The following MACROD2 variants were observed in gnomAD, a reference collection of about 807,000 sequenced individuals.
The protein encoded by MACROD2 is mono-ADP ribosylhydrolase 2.
In MACROD2, 36 loss-of-function variants were observed where a neutral mutation model predicts 70.4. The ratio of observed to expected loss-of-function variants is 0.51; its 90% CI spans 0.39 to 0.68. The LOEUF (loss-of-function observed/expected upper bound fraction) is 0.68. MACROD2 is among the 30% of genes least tolerant of loss of function. The pLI, the probability that MACROD2 is intolerant of heterozygous loss-of-function variation, is 0.00. For synonymous variants in MACROD2, 172 were observed against 178.8 expected, an observed-to-expected ratio of 0.96 and a Z score of 0.30; for missense variants, 496 against 538.4, an observed-to-expected ratio of 0.92 and a Z score of 0.78.
At chr20:15,623,800 T>A (rs1274422940) in intron 8 of MACROD2, among the ~76,000 whole-genome samples, 1 of 152,118 alleles carries the variant, frequency 6.6e-6, no homozygotes, top group African/African-American at 2.4e-5. Context: ...CTACTGTCTA[T>A]CTCTAGATAA....
chr20:14,716,638 T>C (rs1043392219), intron 5 of MACROD2, among the ~76,000 whole-genome samples: 2 of 152,272 alleles, frequency 1.3e-5, no homozygotes, highest in African/African-American at 4.8e-5. Context: ...TTGCAGAGAA[T>C]CCATCTATGC....
At chr20:15,769,149 G>GT (rs1377929624) in intron 8 of MACROD2, among the ~76,000 whole-genome samples, 11 of 152,056 alleles carry the variant, frequency 7.2e-5, no homozygotes, top group African/African-American at 2.2e-4. Context: ...TTTGTTTTGT[G>GT]TTTTTTTGTT....
chr20:15,223,187 G>C (rs942670364), intron 5 of MACROD2, among the ~76,000 whole-genome samples: 3 of 152,210 alleles, frequency 2.0e-5, no homozygotes, highest in African/African-American at 7.2e-5. Flanking sequence ...AAGCACAAAA[G>C]GGCCTGCCAT....
chr20:15,381,570 G>T (rs1001129426), intron 6 of MACROD2, among the ~76,000 whole-genome samples: 2 of 152,132 alleles, frequency 1.3e-5, no homozygotes, highest in African/African-American at 4.8e-5. Flanking sequence ...GGAGGCTGAG[G>T]TGGGAGGATT....
At chr20:15,730,531 G>A (rs918687007) in intron 8 of MACROD2, among the ~76,000 whole-genome samples, 2 of 152,134 alleles carry the variant, frequency 1.3e-5, no homozygotes, top group Admixed American at 6.5e-5. Context: ...CTTCTGGCTT[G>A]TGGGGTTTCT....
intron 3 of MACROD2, among the ~76,000 whole-genome samples, chr20:14,402,046 G>T (rs1243830155): frequency 6.6e-6 from 1 of 152,024 alleles, no homozygotes; most frequent in Non-Finnish European, 1.5e-5. Context: ...ATATTTTCAT[G>T]GTACAGAGTA....
chr20:14,066,214 G>T (rs2053755234), intron 2 of MACROD2, among the ~76,000 whole-genome samples: 1 of 152,174 alleles, frequency 6.6e-6, no homozygotes, highest in Non-Finnish European at 1.5e-5. Flanking sequence ...CATTATTTGT[G>T]CTTTATTATG....
At chr20:15,271,337 A>G (rs1309561859) in intron 6 of MACROD2, among the ~76,000 whole-genome samples, 1 of 152,102 alleles carries the variant, frequency 6.6e-6, no homozygotes, top group East Asian at 1.9e-4. Flanking sequence ...TAGAGGCTCC[A>G]CTCTCATGAC....
intron 2 of MACROD2, among the ~76,000 whole-genome samples, chr20:14,034,833 G>T (rs945056765): frequency 6.6e-6 from 1 of 152,056 alleles, no homozygotes. Context: ...AGAGTTCATT[G>T]TACATTAAGA....
rs118125135 is a variant in MACROD2 at position 15,858,974 on chromosome 20, A to G, written c.646-3771A>G. 1.5e-4 allele frequency among the ~76,000 whole-genome samples: 23 copies of G among 152,344 alleles called. No individual in the cohort carries two copies. The East Asian group carries it at 3.1e-3, about 20-fold the overall frequency. ...ATGTATAACTTTTGACTCCCCAGGT[A>G]CTTAACTACTAATAGCCTACTATTG... On this transcript the variant is annotated intron_variant, in intron 8 of 17. Transcript: ENST00000684519.
At chr20:15,869,234 T>TAGAGAGAGAGAGAGAGAGAG (rs1198181652) in intron 9 of MACROD2, among the ~76,000 whole-genome samples, 11 of 31,690 alleles carry the variant, frequency 3.5e-4, no homozygotes, top group Non-Finnish European at 8.0e-4. Context: ...TATATATATA[T>TAGAGAGAGAGAGAGAGAGAG]ATATAGAGAG....
chr20:15,065,091 C>T (rs934516173), intron 5 of MACROD2, among the ~76,000 whole-genome samples: 2 of 152,138 alleles, frequency 1.3e-5, no homozygotes, highest in African/African-American at 4.8e-5. Flanking sequence ...TTGACAGTAT[C>T]TTGGAGGGTT....
chr20:15,554,439 C>A (rs1340640706), intron 8 of MACROD2, among the ~76,000 whole-genome samples: 1 of 151,424 alleles, frequency 6.6e-6, no homozygotes, highest in African/African-American at 2.4e-5. Flanking sequence ...CCTTGTAAAT[C>A]TGAATGGACT....
chr20:14,796,930 T>C (rs769270995), intron 5 of MACROD2, among the ~76,000 whole-genome samples: 17 of 152,184 alleles, frequency 1.1e-4, no homozygotes, highest in Middle Eastern at 3.4e-3. Flanking sequence ...CAACATTTTC[T>C]CTTAGATATC....
intron 15 of MACROD2, among the ~76,000 whole-genome samples, chr20:16,008,478 G>A (rs1200641886): frequency 2.6e-5 from 4 of 152,210 alleles, no homozygotes; most frequent in Non-Finnish European, 4.4e-5. Flanking sequence ...TGGGTGAGGT[G>A]AAGAAGTATC....
chr20:14,871,081 C>T (rs1158270121), intron 5 of MACROD2, among the ~76,000 whole-genome samples: 1 of 152,092 alleles, frequency 6.6e-6, no homozygotes, highest in Non-Finnish European at 1.5e-5. Flanking sequence ...ATGGAACCAA[C>T]TTGGAAAACA....
At chr20:15,974,464 A>C (rs2066276021) in intron 13 of MACROD2, among the ~76,000 whole-genome samples, 1 of 152,172 alleles carries the variant, frequency 6.6e-6, no homozygotes, top group African/African-American at 2.4e-5. Flanking sequence ...ACATTCTGGA[A>C]AGGCAAAACC....
intron 3 of MACROD2, among the ~76,000 whole-genome samples, chr20:14,341,211 C>T (rs2083009351): frequency 6.6e-6 from 1 of 152,228 alleles, no homozygotes; most frequent in Non-Finnish European, 1.5e-5. Flanking sequence ...GATCCCCAAA[C>T]TATCTCCAAC....
At chr20:14,403,075 A>T (rs1255829566) in intron 3 of MACROD2, among the ~76,000 whole-genome samples, 1 of 152,166 alleles carries the variant, frequency 6.6e-6, no homozygotes, top group African/African-American at 2.4e-5. Flanking sequence ...TTTAAAAATT[A>T]TGTTTGATAT....
Sources: allele counts gnomAD v4.1 joint callset (sites outside exome capture counted in the v4.1 genomes callset), GRCh38; gene constraint gnomAD v4.1.1; transcripts MANE v1.5; gene names NCBI Gene and HGNC (gene_info 2026-07-23, HGNC 2026-07-21).